Variants in SHC4 observed in about 807,000 individuals in gnomAD.
SHC4 encodes the protein SHC-transforming protein 4.
A neutral mutation model predicts 69.4 loss-of-function variants in SHC4; 41 were observed. The observed-to-expected ratio is 0.59, with a 90% confidence interval of 0.46 to 0.77. The LOEUF (loss-of-function observed/expected upper bound fraction) is 0.77, where lower values mean the gene tolerates loss of function less well. Ranked by LOEUF, SHC4 falls within the 30% of genes least tolerant of loss-of-function variation. The pLI is 0.00. For missense variants in SHC4, 777 were observed against 783.8 expected (o/e 0.99, Z 0.10); for synonymous variants, 318 against 299.3 (o/e 1.06, Z -0.64).
At chr15:48,842,116 T>C (rs1899003688) in intron 10 of SHC4, among the ~76,000 whole-genome samples, 1 of 152,230 alleles carries the variant, frequency 6.6e-6, no homozygotes, top group South Asian at 2.1e-4. Context: ...AAGCATTTTT[T>C]GTTTATTTTT....
intron 4 of SHC4, among the ~76,000 whole-genome samples, chr15:48,881,147 T>G (rs935609391): frequency 2.6e-5 from 4 of 152,022 alleles, no homozygotes; most frequent in African/African-American, 9.7e-5. Flanking sequence ...TATCCATACA[T>G]ATTATAAATG....
At chr15:48,917,554 CT>C (rs1194026028) in intron 2 of SHC4, among the ~76,000 whole-genome samples, 28 of 152,154 alleles carry the variant, frequency 1.8e-4, no homozygotes, top group Admixed American at 1.4e-3. Context: ...CTCTTTTGCC[CT>C]TTTGCATGAA....
At chr15:48,938,790 A>C (rs1185174428) in intron 1 of SHC4, among the ~76,000 whole-genome samples, 1 of 152,242 alleles carries the variant, frequency 6.6e-6, no homozygotes, top group Non-Finnish European at 1.5e-5. Context: ...TTGTTAACAT[A>C]GAATGACCTG....
chr15:48,914,666 G>T (rs1046629309), intron 2 of SHC4, among the ~76,000 whole-genome samples: 1 of 152,100 alleles, frequency 6.6e-6, no homozygotes, highest in Non-Finnish European at 1.5e-5. Context: ...CCTTTTTAAA[G>T]AATAAAATGT....
chr15:48,880,804 T>C (rs1899925103), intron 4 of SHC4, among the ~76,000 whole-genome samples: 1 of 152,164 alleles, frequency 6.6e-6, no homozygotes, highest in African/African-American at 2.4e-5. Flanking sequence ...TAAAATTATT[T>C]GTGTTTCTTT....
chr15:48,866,110 T>C (rs1317662846), intron 6 of SHC4, among the ~76,000 whole-genome samples: 1 of 152,194 alleles, frequency 6.6e-6, no homozygotes, highest in Non-Finnish European at 1.5e-5. Flanking sequence ...CCCTGTCATT[T>C]CCATGTTAAG....
intron 2 of SHC4, among the ~76,000 whole-genome samples, chr15:48,896,715 G>A (rs963213611): frequency 6.6e-6 from 1 of 152,174 alleles, no homozygotes; most frequent in Admixed American, 6.5e-5. Context: ...CAGATCCCAG[G>A]TTAAGAAATA....
chr15:48,900,317 G>C (rs8042295), intron 2 of SHC4, among the ~76,000 whole-genome samples: 13,398 of 152,000 alleles, frequency 0.088, 656 homozygotes, highest in Middle Eastern at 0.18. Flanking sequence ...AGACCAGCCT[G>C]GCCAACATAG....
At chr15:48,914,805 G>A (rs1450846137) in intron 2 of SHC4, among the ~76,000 whole-genome samples, 2 of 152,126 alleles carry the variant, frequency 1.3e-5, no homozygotes, top group Admixed American at 6.5e-5. Context: ...ACAGCTCAGT[G>A]GCATTAAGCA....
At position 48,834,929 on chromosome 15, in the gene SHC4, C is replaced by T; in HGVS notation, c.1577G>A (p.Cys526Tyr). The T allele has an allele frequency of 6.2e-7, 1 of 1,613,950 alleles. No individual in the cohort carries two copies. The highest frequency in any genetic ancestry group is 8.5e-7 in the Non-Finnish European group (1 of 1,179,910). Residue 526 changes from cysteine (C) to tyrosine (Y), a missense_variant, in exon 11 of 12, where the codon TGC (cysteine) becomes TAC (tyrosine). By Grantham distance (194) the Cys-to-Tyr change is radical. Transcript: ENST00000332408. ...CTTCCTGCTCAGCTTGCCATGATAG[C>T]ATTCTTCGCTCCACAGCTGCTGCTT... ...HIKQQLWSEE[C>Y]YHGKLSRKAA... is the part of the protein sequence containing the mutation.
chr15:48,915,482 G>A (rs760848405), intron 2 of SHC4, among the ~76,000 whole-genome samples: 14 of 152,316 alleles, frequency 9.2e-5, no homozygotes, highest in South Asian at 2.1e-4. Flanking sequence ...AAAAGAGGTG[G>A]TCACTGTGCA....
intron 11 of SHC4, among the ~76,000 whole-genome samples, 157 bp downstream of exon 11, chr15:48,834,612 C>T (rs749229546): frequency 6.6e-6 from 1 of 152,120 alleles, no homozygotes; most frequent in Non-Finnish European, 1.5e-5. Flanking sequence ...AACCCCTCCA[C>T]TACCCTCTAG....
intron 2 of SHC4, 50 bp from the exon 3 acceptor site, chr15:48,890,861 C>G (rs1248755257): frequency 6.3e-7 from 1 of 1,584,012 alleles, no homozygotes; most frequent in Admixed American, 1.7e-5. Flanking sequence ...TACCTCCACA[C>G]AGTAAGTGTT....
chr15:48,939,216 A>C (rs1901129793), intron 1 of SHC4, among the ~76,000 whole-genome samples: 1 of 152,188 alleles, frequency 6.6e-6, no homozygotes, highest in Admixed American at 6.5e-5. Context: ...GGCGCTCCAT[A>C]GGAGTGTGAT....
intron 9 of SHC4, among the ~76,000 whole-genome samples, chr15:48,850,791 A>G (rs79614460): frequency 0.02 from 3,104 of 152,290 alleles, 72 homozygotes; most frequent in East Asian, 0.082. Flanking sequence ...GCCAAGCCAG[A>G]ATAAAGATTT....
intron 3 of SHC4, among the ~76,000 whole-genome samples, chr15:48,889,686 T>C (rs941812439): frequency 6.6e-6 from 1 of 151,976 alleles, no homozygotes. Context: ...CTACTAAAAA[T>C]ACAAAAAATT....
intron 9 of SHC4, among the ~76,000 whole-genome samples, chr15:48,846,847 C>T (rs1400821797): frequency 6.6e-6 from 1 of 152,198 alleles, no homozygotes; most frequent in Admixed American, 6.5e-5. Flanking sequence ...GCACAGGGTG[C>T]TAACGCATCT....
chr15:48,960,548 C>A (rs1398910994), intron 1 of SHC4, among the ~76,000 whole-genome samples: 1 of 152,148 alleles, frequency 6.6e-6, no homozygotes, highest in African/African-American at 2.4e-5. Context: ...TTTAGTTACC[C>A]ATTTGCCAGG....
chr15:48,835,938 G>A (rs1898889585), intron 10 of SHC4, among the ~76,000 whole-genome samples: 1 of 150,280 alleles, frequency 6.7e-6, no homozygotes, highest in African/African-American at 2.5e-5. Flanking sequence ...AGCACTTTGG[G>A]AGGCCGAGGC....
Sources: allele counts gnomAD v4.1 joint callset (sites outside exome capture counted in the v4.1 genomes callset), GRCh38; gene constraint gnomAD v4.1.1; transcripts MANE v1.5; gene names NCBI Gene and HGNC (gene_info 2026-07-23, HGNC 2026-07-21).